The following BMPR2 variants were observed in gnomAD, a reference collection of about 807,000 sequenced individuals.
BMPR2 encodes the protein bone morphogenetic protein receptor type-2.
BMPR2 carries 29 observed loss-of-function variants against 100.8 expected under a neutral mutation model. The observed-to-expected ratio is 0.29, with a 90% confidence interval of 0.21 to 0.39. BMPR2 has a LOEUF of 0.39. BMPR2 is among the 10% of genes least tolerant of loss of function. The pLI, the probability that BMPR2 is intolerant of heterozygous loss-of-function variation, is 1.00. For missense variants in BMPR2, 1,011 were observed against 1,274.5 expected, an observed-to-expected ratio of 0.79 and a Z score of 3.15; for synonymous variants, 382 against 442.3, an observed-to-expected ratio of 0.86 and a Z score of 1.71.
chr2:202,414,443 C>G (rs1397989774), intron 1 of BMPR2, among the ~76,000 whole-genome samples: 1 of 152,160 alleles, frequency 6.6e-6, no homozygotes, highest in African/African-American at 2.4e-5. Flanking sequence ...GACAGAGTTG[C>G]ACGTTTTTCA....
intron 1 of BMPR2, among the ~76,000 whole-genome samples, chr2:202,399,144 C>G (rs1690711209): frequency 6.6e-6 from 1 of 151,664 alleles, no homozygotes; most frequent in Non-Finnish European, 1.5e-5. Flanking sequence ...AAAAAAAAGA[C>G]AGATCATAAA....
chr2:202,387,752 T>C (rs147157512), intron 1 of BMPR2, among the ~76,000 whole-genome samples: 130 of 152,318 alleles, frequency 8.5e-4, no homozygotes, highest in Middle Eastern at 3.4e-3. Context: ...TGATGACATA[T>C]TTAGTTGAGG....
chr2:202,390,183 G>C (rs1690518694), intron 1 of BMPR2, among the ~76,000 whole-genome samples: 3 of 152,112 alleles, frequency 2.0e-5, no homozygotes, highest in African/African-American at 4.8e-5. Context: ...AAAGTTTTGT[G>C]ATTATTGATC....
At chr2:202,524,064 T>C (rs2106011912) in intron 7 of BMPR2, among the ~76,000 whole-genome samples, 1 of 151,928 alleles carries the variant, frequency 6.6e-6, no homozygotes, top group East Asian at 2.0e-4. Context: ...GGGCAAGGGC[T>C]AAAAACTAAC....
chr2:202,484,712 A>T (rs1692736481), intron 3 of BMPR2, among the ~76,000 whole-genome samples: 1 of 148,924 alleles, frequency 6.7e-6, no homozygotes, highest in African/African-American at 2.5e-5. Context: ...CACGCCTGTA[A>T]TCCCAGCACT....
intron 1 of BMPR2, among the ~76,000 whole-genome samples, chr2:202,460,221 T>C (rs1481573609): frequency 6.6e-6 from 1 of 152,184 alleles, no homozygotes; most frequent in East Asian, 1.9e-4. Flanking sequence ...TGCAGCACTG[T>C]TCACAATAAC....
chr2:202,458,283 C>CAAAAAAAAAAAAAAAAAAAAAAAAAAA (rs71035009), intron 1 of BMPR2, among the ~76,000 whole-genome samples: 1 of 52,304 alleles, frequency 1.9e-5, no homozygotes, highest in Non-Finnish European at 3.4e-5. Flanking sequence ...CTTGTCTCTG[C>CAAAAAAAAAAAAAAAAAAAAAAAAAAA]AAAAAAAAAA....
chr2:202,476,498 T>G (rs1302088045), intron 3 of BMPR2, among the ~76,000 whole-genome samples: 1 of 152,116 alleles, frequency 6.6e-6, no homozygotes, highest in Non-Finnish European at 1.5e-5. Context: ...TTTAAAATAA[T>G]GTTAAATAGG....
chr2:202,545,813 C>T (rs187976916), intron 10 of BMPR2, among the ~76,000 whole-genome samples: 1 of 152,250 alleles, frequency 6.6e-6, no homozygotes, highest in African/African-American at 2.4e-5. Flanking sequence ...AACTACAGTC[C>T]CTGCTATGGG....
rs1053072805 is a variant in BMPR2 at position 202,560,371 on chromosome 2, T to C, written c.*425T>C. On this transcript the variant is annotated 3_prime_UTR_variant, in exon 13 of 13. Transcript: ENST00000374580. ...GTGTCTGGTATCCATGTTTTATTTC[T>C]GGGCACAAGCTAGTTTTTATGTTGA... 5.5e-5 allele frequency: 11 copies of C among 201,596 alleles called. No homozygotes were observed. Among genetic ancestry groups the C allele is most frequent in the Non-Finnish European group, 1.1e-4 (11 of 97,472 alleles). The allele number at this position is 201,596 out of a possible 1,614,324, so 12.5% of individuals were successfully genotyped here.
At chr2:202,475,117 A>G (rs970456956) in intron 3 of BMPR2, 2 of 152,054 alleles carry the variant, frequency 1.3e-5, no homozygotes, top group African/African-American at 4.8e-5. Context: ...AATATTTTCC[A>G]GGTTACTATA....
At chr2:202,496,766 G>A (rs762284979) in intron 3 of BMPR2, among the ~76,000 whole-genome samples, 5 of 152,216 alleles carry the variant, frequency 3.3e-5, no homozygotes, top group African/African-American at 4.8e-5. Context: ...TACCGCCCTC[G>A]CTCGCTCTCA....
At chr2:202,483,521 C>T (rs1034589991) in intron 3 of BMPR2, among the ~76,000 whole-genome samples, 2 of 151,858 alleles carry the variant, frequency 1.3e-5, no homozygotes, top group Admixed American at 1.3e-4. Flanking sequence ...GCCTCAGCCT[C>T]CCAAGTAGCT....
rs759063361 is a variant in BMPR2 at position 202,445,771 on chromosome 2, ATTTTTTT to A, written c.77-19024_77-19018del. Among the ~76,000 whole-genome samples, 9 of 120,040 alleles carry A rather than the reference ATTTTTTT, an allele frequency of 7.5e-5. 1 individual carries two copies. In the South Asian group the frequency reaches 2.3e-3, roughly 31 times the overall value. 78.8% of individuals were successfully genotyped at this position (120,040 alleles called of 152,430 possible). A position where few individuals can be genotyped will look rare whatever the true frequency, so the allele number is the denominator to read the frequency against. ...CACCATGCCTAGCCCTACAAACATA[ATTTTTTT>A]TTTTTTTTTTTTTGAGACGGGAGTC... On this transcript the variant is annotated intron_variant, in intron 1 of 12. Transcript: ENST00000374580.
chr2:202,389,281 A>C (rs1163138529), intron 1 of BMPR2, among the ~76,000 whole-genome samples: 3 of 152,070 alleles, frequency 2.0e-5, no homozygotes, highest in Non-Finnish European at 2.9e-5. Context: ...TAATCCCAGC[A>C]CTTTGGGAGG....
chr2:202,531,061 G>A, intron 8 of BMPR2, 107 bp downstream of exon 8: 1 of 1,340,270 alleles, frequency 7.5e-7, no homozygotes, highest in Non-Finnish European at 1.0e-6. Flanking sequence ...CCAGCACTTT[G>A]GTAGGCCCAG....
intron 1 of BMPR2, among the ~76,000 whole-genome samples, chr2:202,388,166 G>T (rs1433433696): frequency 6.6e-6 from 1 of 151,920 alleles, no homozygotes; most frequent in East Asian, 1.9e-4. Context: ...GGAGGCCGAG[G>T]TGGGTGGATT....
chr2:202,491,128 C>T (rs1692892253), intron 3 of BMPR2, among the ~76,000 whole-genome samples: 2 of 151,924 alleles, frequency 1.3e-5, no homozygotes, highest in South Asian at 2.1e-4. Context: ...CGCCATGTTG[C>T]CCAGGCTGGT....
At chr2:202,415,252 C>T (rs1238192213) in intron 1 of BMPR2, among the ~76,000 whole-genome samples, 2 of 151,938 alleles carry the variant, frequency 1.3e-5, no homozygotes, top group African/African-American at 4.8e-5. Context: ...GGCAGATCAC[C>T]TGAGGTTGGG....
Sources: gnomAD v4.1 joint callset for allele counts (sites outside exome capture counted in the v4.1 genomes callset) on GRCh38, gnomAD v4.1.1 for gene constraint, MANE v1.5 for transcripts, NCBI Gene and HGNC (gene_info 2026-07-23, HGNC 2026-07-21) for gene names.